The following ZNF365 variants were observed in gnomAD, a reference collection of about 807,000 sequenced individuals.
ZNF365 encodes the protein protein ZNF365.
ZNF365 carries 22 observed loss-of-function variants against 35.0 expected under a neutral mutation model. The observed-to-expected ratio is 0.63, with a 90% CI of 0.45 to 0.90. The LOEUF is 0.90. Ranked by LOEUF, ZNF365 falls within the 40% of genes least tolerant of loss-of-function variation. The pLI is 0.00. For missense variants in ZNF365, 448 were observed against 500.3 expected, an observed-to-expected ratio of 0.90 and a Z score of 1.00; for synonymous variants, 188 against 196.2, an observed-to-expected ratio of 0.96 and a Z score of 0.35.
intron 4 of ZNF365, among the ~76,000 whole-genome samples, chr10:62,474,724 T>C (rs1841099635): frequency 6.6e-6 from 1 of 152,194 alleles, no homozygotes; most frequent in African/African-American, 2.4e-5. Flanking sequence ...TGGCAGTCTT[T>C]ATTTGCCCAT....
Position 62,425,895 on chromosome 10 carries a change from G to A in ZNF365, c.925-33846G>A, listed in dbSNP as rs181124689. Among the ~76,000 whole-genome samples, 329 of 152,194 alleles carry A rather than the reference G, an allele frequency of 2.2e-3. 1 individual carries two copies. The highest frequency in any genetic ancestry group is 7.5e-3 in the African/African-American group (312 of 41,504). Reference sequence around the variant, plus strand: ...TTAGACCCATACCTGGCATATAGTAGGAATTTGACAAATATTTGCTGAATG... The same window carrying A: ...TTAGACCCATACCTGGCATATAGTAAGAATTTGACAAATATTTGCTGAATG... On this transcript the variant is annotated intron_variant, in intron 3 of 4. Transcript: ENST00000395255.
intron 4 of ZNF365, 104 bp downstream of exon 4, chr10:62,398,881 T>TCA: frequency 8.5e-7 from 1 of 1,178,850 alleles, no homozygotes; most frequent in Non-Finnish European, 1.2e-6. Flanking sequence ...GATATCTATA[T>TCA]TATAAATGGC....
At chr10:62,446,484 C>T (rs1308646089) in intron 3 of ZNF365, among the ~76,000 whole-genome samples, 2 of 152,156 alleles carry the variant, frequency 1.3e-5, no homozygotes, top group Admixed American at 1.3e-4. Context: ...TGGTGTATCA[C>T]AAGTTCTGGA....
downstream of ZNF365, chr10:62,402,587 G>A (rs1451015305): frequency 2.1e-6 from 1 of 472,406 alleles, no homozygotes; most frequent in Non-Finnish European, 2.8e-6. Flanking sequence ...TGTACCTATA[G>A]GTTTTCTTAA....
At chr10:62,471,883 A>G (rs1249013073) in intron 4 of ZNF365, among the ~76,000 whole-genome samples, 1 of 152,270 alleles carries the variant, frequency 6.6e-6, no homozygotes, top group Non-Finnish European at 1.5e-5. Context: ...TTGGTTATAA[A>G]GTAAAATTCT....
chr10:62,435,194 ATCT>A (rs1353693487), intron 3 of ZNF365, among the ~76,000 whole-genome samples: 2 of 152,314 alleles, frequency 1.3e-5, no homozygotes, highest in African/African-American at 4.8e-5. Context: ...TTTAGACATG[ATCT>A]TCTTCACTCA....
chr10:62,426,701 G>A (rs1280791760), intron 3 of ZNF365, among the ~76,000 whole-genome samples: 3 of 152,050 alleles, frequency 2.0e-5, no homozygotes, highest in Non-Finnish European at 4.4e-5. Flanking sequence ...AACAGTTTAG[G>A]ATTGGCGAGT....
intron 3 of ZNF365, among the ~76,000 whole-genome samples, chr10:62,418,608 TAA>T (rs34217173): frequency 1.8e-4 from 28 of 151,768 alleles, no homozygotes; most frequent in Admixed American, 3.3e-4. Flanking sequence ...ATTTTCGTAA[TAA>T]AAAAAATCAG....
chr10:62,416,843 A>C (rs969372677), intron 3 of ZNF365, among the ~76,000 whole-genome samples: 1 of 152,210 alleles, frequency 6.6e-6, no homozygotes, highest in East Asian at 1.9e-4. Context: ...TTGGCACTCA[A>C]GAAGTTTTAG....
Position 62,400,430 on chromosome 10 carries a change from G to C in ZNF365, c.*641G>C. Reference sequence around the variant, plus strand: ...GTTTGTTTGATTGAGGTTTTTTGGTGGCCTAGATGCATGTTTATTCAGATT... The same window carrying C: ...GTTTGTTTGATTGAGGTTTTTTGGTCGCCTAGATGCATGTTTATTCAGATT... On this transcript the variant is annotated 3_prime_UTR_variant, in exon 5 of 5. Coordinates refer to ENST00000395254, the MANE Select transcript of ZNF365 (RefSeq NM_014951.3). The C allele has an allele frequency of 1.0e-6, 1 of 986,086 alleles. No homozygotes were observed. Among genetic ancestry groups the C allele is most frequent in the Non-Finnish European group, 1.2e-6 (1 of 830,028 alleles). The allele number at this position is 986,086 out of a possible 1,614,324, so 61.1% of individuals were successfully genotyped here.
At chr10:62,454,361 T>G (rs1350888613) in intron 3 of ZNF365, among the ~76,000 whole-genome samples, 1 of 152,214 alleles carries the variant, frequency 6.6e-6, no homozygotes, top group Non-Finnish European at 1.5e-5. Flanking sequence ...GGCACTATGG[T>G]GAATTCACAG....
chr10:62,405,761 G>A (rs1424718471), downstream of ZNF365, among the ~76,000 whole-genome samples: 1 of 152,146 alleles, frequency 6.6e-6, no homozygotes, highest in Non-Finnish European at 1.5e-5. Flanking sequence ...TTTCACATTG[G>A]TTGTTTGCTG....
chr10:62,466,027 G>A (rs1375106204), intron 4 of ZNF365, among the ~76,000 whole-genome samples: 1 of 152,212 alleles, frequency 6.6e-6, no homozygotes, highest in Non-Finnish European at 1.5e-5. Context: ...CCTGAGTGGG[G>A]CAGTGGGACT....
intron 3 of ZNF365, among the ~76,000 whole-genome samples, chr10:62,392,122 G>A (rs1305984722): frequency 1.3e-5 from 2 of 152,094 alleles, no homozygotes; most frequent in East Asian, 1.9e-4. Context: ...ATTTGTTTGA[G>A]TTCCTTGTAG....
chr10:62,469,932 C>T (rs571864235), intron 4 of ZNF365, among the ~76,000 whole-genome samples: 4 of 152,288 alleles, frequency 2.6e-5, no homozygotes, highest in East Asian at 1.9e-4. Flanking sequence ...TTATGTAATA[C>T]CACTTGCCTT....
downstream of ZNF365, among the ~76,000 whole-genome samples, chr10:62,406,366 G>A (rs185726240): frequency 6.6e-6 from 1 of 152,134 alleles, no homozygotes; most frequent in African/African-American, 2.4e-5. Flanking sequence ...CCTATTCCTT[G>A]TAGGACTGAT....
intron 3 of ZNF365, among the ~76,000 whole-genome samples, chr10:62,435,547 C>T (rs938426092): frequency 2.0e-5 from 3 of 152,080 alleles, no homozygotes; most frequent in South Asian, 2.1e-4. Context: ...GGATAACACT[C>T]GGCCAATAAT....
At chr10:62,471,745 A>T (rs114272345) in intron 4 of ZNF365, among the ~76,000 whole-genome samples, 26 of 152,322 alleles carry the variant, frequency 1.7e-4, no homozygotes, top group African/African-American at 5.8e-4. Context: ...CCAGCCTACA[A>T]GTCACACTCA....
At chr10:62,404,668 T>C (rs777272147), downstream of ZNF365, among the ~76,000 whole-genome samples, 4 of 152,190 alleles carry the variant, frequency 2.6e-5, no homozygotes, top group Non-Finnish European at 4.4e-5. Flanking sequence ...CACCGACTCC[T>C]GCGTAATTCA....
Sources: allele counts gnomAD v4.1 joint callset (sites outside exome capture counted in the v4.1 genomes callset), GRCh38; gene constraint gnomAD v4.1.1; transcripts MANE v1.5; gene names NCBI Gene and HGNC (gene_info 2026-07-23, HGNC 2026-07-21).